BMP2K: variants seen among roughly 807,000 people sequenced by gnomAD.
The protein encoded by BMP2K is BMP-2-inducible protein kinase.
A neutral mutation model predicts 116.0 loss-of-function variants in BMP2K; 74 were observed. The observed-to-expected ratio is 0.64, with a 90% CI of 0.53 to 0.77. BMP2K has a LOEUF of 0.77. BMP2K is among the 30% of genes least tolerant of loss of function. The pLI is 0.00. For missense variants in BMP2K, 1,365 were observed against 1,403.6 expected (o/e 0.97, Z 0.44); for synonymous variants, 486 against 502.5 (o/e 0.97, Z 0.44).
chr4:78,865,891 T>C lies in BMP2K; in HGVS notation c.1231+171T>C, dbSNP rs569469210. 1.8e-5 allele frequency: 12 copies of C among 666,910 alleles called. No individual in the cohort carries two copies. The South Asian group carries it at 2.7e-4, about 15-fold the overall frequency. 41.3% of individuals were successfully genotyped at this position (666,910 alleles called of 1,614,324 possible). A position where few individuals can be genotyped will look rare whatever the true frequency, so the allele number is the denominator to read the frequency against. On this transcript the variant is annotated intron_variant, in intron 10 of 15. Transcript: ENST00000502613. ...TTCAGTTGGTTTCTCAACAATTCAA[T>C]TGTTGTAGGCAAAGGGAAGTTACTG...
chr4:78,880,608 T>C (rs1315019400), intron 14 of BMP2K, among the ~76,000 whole-genome samples: 1 of 152,238 alleles, frequency 6.6e-6, no homozygotes, highest in East Asian at 1.9e-4. Flanking sequence ...GAATTTGTAA[T>C]GACATCAAAG....
At chr4:78,854,539 C>T (rs532365835) in intron 7 of BMP2K, among the ~76,000 whole-genome samples, 1 of 152,184 alleles carries the variant, frequency 6.6e-6, no homozygotes, top group Non-Finnish European at 1.5e-5. Flanking sequence ...TCCCAAAGTG[C>T]TGGGACTATA....
chr4:78,901,659 C>G (rs943720689), intron 15 of BMP2K, among the ~76,000 whole-genome samples: 5 of 152,178 alleles, frequency 3.3e-5, no homozygotes, highest in Non-Finnish European at 7.4e-5. Context: ...CCCCAGGGCA[C>G]TGTTTTACAG....
intron 8 of BMP2K, chr4:78,860,126 G>A (rs1350907344): frequency 2.0e-6 from 1 of 495,236 alleles, no homozygotes. Flanking sequence ...CTTGTTAAGT[G>A]GGAACTAAAC....
At chr4:78,901,787 A>T (rs1734019649) in intron 15 of BMP2K, among the ~76,000 whole-genome samples, 1 of 152,164 alleles carries the variant, frequency 6.6e-6, no homozygotes, top group Non-Finnish European at 1.5e-5. Context: ...AAATTCTAAA[A>T]TTGTATTTGA....
rs553168047 is a variant in BMP2K at position 78,776,819 on chromosome 4, C to T, written c.178+98C>T. ...CTCGCCCTCCGGACTGACTCTTATA[C>T]CCCATTCTTCCTCTGCTGCCGGGCC... On this transcript the variant is annotated intron_variant, in intron 1 of 15. Coordinates refer to ENST00000502613, the MANE Select transcript of BMP2K (RefSeq NM_198892.2). 17 of 1,071,380 alleles carry T rather than the reference C, an allele frequency of 1.6e-5. No individual in the cohort carries two copies. In the African/African-American group the frequency reaches 2.2e-4, roughly 14 times the overall value. 66.4% of individuals were successfully genotyped at this position (1,071,380 alleles called of 1,614,324 possible).
chr4:78,889,333 T>C (rs1733298230), intron 15 of BMP2K, among the ~76,000 whole-genome samples: 1 of 151,426 alleles, frequency 6.6e-6, no homozygotes, highest in African/African-American at 2.4e-5. Flanking sequence ...AAAAAGTATA[T>C]AGACTGGAAT....
chr4:78,847,607 CTT>C (rs1197182231), intron 6 of BMP2K, among the ~76,000 whole-genome samples: 1 of 151,456 alleles, frequency 6.6e-6, no homozygotes, highest in African/African-American at 2.4e-5. Flanking sequence ...GGACATAACT[CTT>C]AAGTAATTAC....
At chr4:78,841,472 A>G (rs571674948) in intron 3 of BMP2K, among the ~76,000 whole-genome samples, 1 of 152,254 alleles carries the variant, frequency 6.6e-6, no homozygotes, top group African/African-American at 2.4e-5. Flanking sequence ...ATGTGTGGCA[A>G]TTTGATTTTA....
intron 1 of BMP2K, among the ~76,000 whole-genome samples, chr4:78,818,663 C>T (rs1729470190): frequency 6.6e-6 from 1 of 152,124 alleles, no homozygotes; most frequent in Non-Finnish European, 1.5e-5. Flanking sequence ...CATGGTTAAG[C>T]AGTTAAGTAT....
intron 1 of BMP2K, among the ~76,000 whole-genome samples, chr4:78,805,481 C>T (rs1560507495): frequency 6.6e-6 from 1 of 152,056 alleles, no homozygotes; most frequent in Non-Finnish European, 1.5e-5. Flanking sequence ...GTATTTCAAT[C>T]CAGTCTTTCA....
chr4:78,824,968 A>G (rs1362538643), intron 1 of BMP2K, among the ~76,000 whole-genome samples: 1 of 152,168 alleles, frequency 6.6e-6, no homozygotes, highest in Non-Finnish European at 1.5e-5. Context: ...TTGGGGGGAC[A>G]AGGCGGGCGG....
chr4:78,797,121 G>C (rs1728333653), intron 1 of BMP2K, among the ~76,000 whole-genome samples: 1 of 152,114 alleles, frequency 6.6e-6, no homozygotes, highest in Non-Finnish European at 1.5e-5. Flanking sequence ...GGGAGTCTTA[G>C]TCCTTAATAC....
intron 10 of BMP2K, among the ~76,000 whole-genome samples, chr4:78,868,363 C>A (rs1732163327): frequency 6.6e-6 from 1 of 152,134 alleles, no homozygotes; most frequent in African/African-American, 2.4e-5. Context: ...TCAGTTACCT[C>A]CCCCTGGGTC....
intron 8 of BMP2K, among the ~76,000 whole-genome samples, chr4:78,860,629 A>G (rs1263040085): frequency 1.3e-5 from 2 of 151,848 alleles, no homozygotes; most frequent in Non-Finnish European, 1.5e-5. Context: ...CAATCTTAAT[A>G]AAGGTTCTGC....
At chr4:78,838,772 G>A (rs186844170) in intron 3 of BMP2K, among the ~76,000 whole-genome samples, 10 of 152,232 alleles carry the variant, frequency 6.6e-5, no homozygotes, top group Admixed American at 5.9e-4. Context: ...ATCCCCTTAC[G>A]TGGTTTTAGG....
rs1457409820 is a variant in BMP2K, at chr4:78,837,800, C to T, written c.403+4113C>T. 2.0e-5 allele frequency among the ~76,000 whole-genome samples: 3 copies of T among 152,144 alleles called. No individual in the cohort carries two copies. The East Asian group carries it at 5.8e-4, about 29-fold the overall frequency. On this transcript the variant is annotated intron_variant, in intron 3 of 15. Transcript: ENST00000502613. ...AGAGGTGCACATGGCCATGCCTAGC[C>T]AATTTCTTAATTTTTAATTTTTTGT...
chr4:78,776,733 CG>C lies in BMP2K; in HGVS notation c.178+16del, dbSNP rs753204143. The C allele has an allele frequency of 4.0e-6, 5 of 1,263,130 alleles. No homozygotes were observed. The highest frequency in any genetic ancestry group is 3.0e-6 in the Non-Finnish European group (3 of 1,000,472). The allele number at this position is 1,263,130 out of a possible 1,614,324, so 78.2% of individuals were successfully genotyped here. On this transcript the variant is annotated intron_variant, in intron 1 of 15. Coordinates refer to ENST00000502613, the MANE Select transcript of BMP2K (RefSeq NM_198892.2). ...GTCGCTGGCCGAAGGTACGGGCGCCCGGGGAGGCTCGGACAGGCAGGTGAGG... is the reference window on the plus strand; with the variant it reads ...GTCGCTGGCCGAAGGTACGGGCGCCCGGGAGGCTCGGACAGGCAGGTGAGG...
intron 13 of BMP2K, among the ~76,000 whole-genome samples, chr4:78,874,406 G>T (rs1732535444): frequency 6.6e-6 from 1 of 152,074 alleles, no homozygotes; most frequent in African/African-American, 2.4e-5. Flanking sequence ...TAATAAATTT[G>T]CTAAGTCCCC....
Sources: gnomAD v4.1 joint callset for allele counts (sites outside exome capture counted in the v4.1 genomes callset) on GRCh38, gnomAD v4.1.1 for gene constraint, MANE v1.5 for transcripts, NCBI Gene and HGNC (gene_info 2026-07-23, HGNC 2026-07-21) for gene names.